The following PIK3C2B variants were observed in gnomAD, a reference collection of about 807,000 sequenced individuals.
PIK3C2B encodes the protein phosphatidylinositol-4-phosphate 3-kinase catalytic subunit type 2 beta, also known as phosphatidylinositol 4-phosphate 3-kinase C2 domain-containing subunit beta.
Under a neutral mutation model 184.3 loss-of-function variants are expected in PIK3C2B, and 83 were observed. That is an observed-to-expected ratio of 0.45 (90% CI 0.38 to 0.54). The LOEUF is 0.54. Among genes scored for constraint, PIK3C2B ranks in the 20% least tolerant of loss-of-function variants. The pLI is 0.00. For missense variants in PIK3C2B, 1,736 were observed against 2,113.5 expected, an observed-to-expected ratio of 0.82 and a Z score of 3.50; for synonymous variants, 779 against 837.6, an observed-to-expected ratio of 0.93 and a Z score of 1.21.
At chr1:204,472,876 G>C (rs1171613709) in intron 1 of PIK3C2B, among the ~76,000 whole-genome samples, 4 of 152,174 alleles carry the variant, frequency 2.6e-5, no homozygotes, top group Non-Finnish European at 5.9e-5. Context: ...CTCCCCAGGA[G>C]ATTCTAATGT....
At position 204,453,463 on chromosome 1, in the gene PIK3C2B, A is replaced by G. The variant is rs1654546510; in HGVS notation, c.2066+1206T>C. On this transcript the variant is annotated intron_variant, in intron 12 of 32. Coordinates refer to ENST00000684373, the MANE Select transcript of PIK3C2B (RefSeq NM_001377334.1). ...AACCCACCTATCTCATCTCGACGCC[A>G]TAACTGCCTCTGAGTGAAACCAATG... 2.0e-5 allele frequency among the ~76,000 whole-genome samples: 3 copies of G among 152,374 alleles called. No homozygotes were observed. In the East Asian group the frequency reaches 5.8e-4, roughly 29 times the overall value.
intron 11 of PIK3C2B, among the ~76,000 whole-genome samples, chr1:204,455,129 T>C (rs1654725638): frequency 1.3e-5 from 2 of 152,172 alleles, no homozygotes; most frequent in African/African-American, 2.4e-5. Context: ...TGCACGTGCA[T>C]GCGCAAGTGA....
In PIK3C2B at chr1:204,460,329, G is replaced by C. The variant is rs763232120; in HGVS notation, c.1497C>G (p.Ile499Met). 1.2e-5 allele frequency: 19 copies of C among 1,612,676 alleles called. No homozygotes were observed. Among genetic ancestry groups the C allele is most frequent in the African/African-American group, 2.7e-5 (2 of 74,884 alleles). Reference protein sequence around the residue: ...HLQERPVKQTISRQALSLLFD... With the variant: ...HLQERPVKQTMSRQALSLLFD... ...AAGATGGTGCCCACACTCACCTGCT[G>C]ATGGTCTGCTTGACAGGCCTCTCTT... The change falls in exon 7 of 33, where the codon ATC (isoleucine) becomes ATG (methionine). Residue 499 changes from isoleucine to methionine, a missense_variant. Physicochemically the swap from Ile to Met is conservative, Grantham distance 10. Around this residue, in one of 8 missense-constraint regions of PIK3C2B, gnomAD observed 609 missense variants for 699.2 expected, o/e 0.87. Transcript: ENST00000684373.
chr1:204,456,013 G>A lies in PIK3C2B; in HGVS notation c.1786C>T (p.Leu596=). ...AATGTGTTGCAGTACAGCTCCACCA[G>A]GTCCAAGATGGCAGCGGTCAGGGCT... ...VEALTAAILD[L]VELYCNTFNA... Residue 596 remains leucine, a synonymous_variant, in exon 11 of 33, where the codon CTG becomes TTG. Transcript: ENST00000684373. The A allele has an allele frequency of 6.2e-7, 1 of 1,614,070 alleles. No homozygotes were observed. Among genetic ancestry groups the A allele is most frequent in the African/African-American group, 1.3e-5 (1 of 75,058 alleles).
intron 12 of PIK3C2B, among the ~76,000 whole-genome samples, chr1:204,451,893 G>A (rs1052374825): frequency 6.6e-6 from 1 of 152,190 alleles, no homozygotes; most frequent in Non-Finnish European, 1.5e-5. Flanking sequence ...TGTCCTAACT[G>A]CTCCTCAAAC....
Position 204,464,534 on chromosome 1 carries a change from G to T in PIK3C2B, c.1105C>A (p.Pro369Thr), listed in dbSNP as rs1655596660. The change falls in exon 4 of 33, where the codon CCA becomes ACA. Residue 369 changes from proline (P) to threonine (T), a missense_variant. Physicochemically the swap from Pro to Thr is conservative, Grantham distance 38. Transcript: ENST00000684373. ...TTGACCTCATCCCCGAGGTGCTCTG[G>T]GCTAGGGGTGACAGCACTCCAGACA... Reference protein sequence around the residue: ...GYVWSAVTPSPEHLGDEVNLK... With the variant: ...GYVWSAVTPSTEHLGDEVNLK... The T allele has an allele frequency of 6.2e-7, 1 of 1,613,860 alleles. No homozygotes were observed. Among genetic ancestry groups the T allele is most frequent in the Non-Finnish European group, 8.5e-7 (1 of 1,179,726 alleles).
rs775762655 is a variant in PIK3C2B at position 204,432,343 on chromosome 1, G to T, written c.4012C>A (p.Leu1338Met). ...GAGCCCGTGAACTTCATCTGAGCCAGATTATGGATGAAAAAATTGAGCTTT... is the reference window on the plus strand; with the variant it reads ...GAGCCCGTGAACTTCATCTGAGCCATATTATGGATGAAAAAATTGAGCTTT... Reference protein sequence around the residue: ...ATKLNFFIHNLAQMKFTGSDD... With the variant: ...ATKLNFFIHNMAQMKFTGSDD... Residue 1338 changes from leucine (L) to methionine (M), a missense_variant, in exon 27 of 33, where the codon CTG becomes ATG. Physicochemically the swap from Leu to Met is conservative, Grantham distance 15 (BLOSUM62 2). This residue lies in a region of PIK3C2B where 119 missense variants were observed against 179.3 expected (regional missense o/e 0.66). Transcript: ENST00000684373. 2 of 1,614,138 alleles carry T rather than the reference G, an allele frequency of 1.2e-6. No homozygotes were observed. The highest frequency in any genetic ancestry group is 1.7e-6 in the Non-Finnish European group (2 of 1,180,014).
At chr1:204,454,099 T>C (rs1654607648) in intron 12 of PIK3C2B, among the ~76,000 whole-genome samples, 1 of 152,066 alleles carries the variant, frequency 6.6e-6, no homozygotes, top group African/African-American at 2.4e-5. Context: ...ATATGTTTTT[T>C]ATGGTTTACA....
rs531002849 is a variant in PIK3C2B, at chr1:204,462,663, A to G, written c.1310+1349T>C. On this transcript the variant is annotated intron_variant, in intron 5 of 32. Coordinates refer to ENST00000684373, the MANE Select transcript of PIK3C2B (RefSeq NM_001377334.1). Reference sequence around the variant, plus strand: ...GGGGCACATTTGAAGGGTACCCTGGAGTTGTACCATACAGAACCCTGCCTC... The same window carrying G: ...GGGGCACATTTGAAGGGTACCCTGGGGTTGTACCATACAGAACCCTGCCTC... Among the ~76,000 whole-genome samples, 14 of 152,314 alleles carry G rather than the reference A, an allele frequency of 9.2e-5. No homozygotes were observed. In the South Asian group the frequency reaches 2.9e-3, roughly 32 times the overall value.
chr1:204,474,731 C>T (rs16853809), intron 1 of PIK3C2B, among the ~76,000 whole-genome samples: 3,531 of 152,096 alleles, frequency 0.023, 158 homozygotes, highest in African/African-American at 0.081. Context: ...ATCCATACTA[C>T]TCACATGTTG....
At chr1:204,466,415 T>C (rs1191125928) in intron 2 of PIK3C2B, among the ~76,000 whole-genome samples, 1 of 149,560 alleles carries the variant, frequency 6.7e-6, no homozygotes, top group Non-Finnish European at 1.5e-5. Flanking sequence ...CTCATTTGAA[T>C]ATCCAGACTG....
At chr1:204,454,532 A>AT in intron 12 of PIK3C2B, 137 bp downstream of exon 12, 1 of 808,142 alleles carries the variant, frequency 1.2e-6, no homozygotes, top group Non-Finnish European at 1.9e-6. Context: ...AAGAGGTTGA[A>AT]TGACTTGTCC....
At chr1:204,477,918 T>C (rs775071388) in intron 1 of PIK3C2B, among the ~76,000 whole-genome samples, 2 of 152,184 alleles carry the variant, frequency 1.3e-5, no homozygotes, top group African/African-American at 4.8e-5. Context: ...CATAAAGAAT[T>C]CAATCCCCTC....
Position 204,447,359 on chromosome 1 carries a change from C to A in PIK3C2B, c.2489+77G>T. Reference sequence around the variant, plus strand: ...TGCCCACCCCTTCCCACCTCCACTCCCAAAGCAGGAGGACGGAGACTCAGT... The same window carrying A: ...TGCCCACCCCTTCCCACCTCCACTCACAAAGCAGGAGGACGGAGACTCAGT... On this transcript the variant is annotated intron_variant, in intron 15 of 32. Coordinates refer to ENST00000684373, the MANE Select transcript of PIK3C2B (RefSeq NM_001377334.1). The surrounding 1 kb of genome is among the most constrained non-coding windows in gnomAD (Gnocchi z 4.1). 6.9e-7 allele frequency: 1 copy of A among 1,451,208 alleles called. No homozygotes were observed. The highest frequency in any genetic ancestry group is 9.5e-7 in the Non-Finnish European group (1 of 1,051,960). 89.9% of individuals were successfully genotyped at this position (1,451,208 alleles called of 1,614,324 possible). A position where few individuals can be genotyped will look rare whatever the true frequency, so the allele number is the denominator to read the frequency against.
At chr1:204,474,151 G>T (rs557367786) in intron 1 of PIK3C2B, among the ~76,000 whole-genome samples, 1 of 152,038 alleles carries the variant, frequency 6.6e-6, no homozygotes, top group Admixed American at 6.6e-5. Flanking sequence ...GCCACCACGC[G>T]CAGCTAATTT....
At position 204,424,984 on chromosome 1, in the gene PIK3C2B, G is replaced by A. The variant is rs776239340; in HGVS notation, c.4773C>T (p.Ser1591=). Residue 1591 remains serine, a synonymous_variant, in exon 33 of 33, where the codon AGC becomes AGT. Transcript: ENST00000684373. ...CCCAGAATCCCTGCTCACTCAGCAC[G>A]CTCAGCTGGAGCTCCCGCTGCTGCA... The part of the protein sequence containing the change: ...GDLQQRELQL[S]VLSEQGFWEN... 26 of 1,613,950 alleles carry A rather than the reference G, an allele frequency of 1.6e-5. No individual in the cohort carries two copies. Among genetic ancestry groups the A allele is most frequent in the East Asian group, 2.2e-5 (1 of 44,890 alleles).
At chr1:204,485,423 AC>A in intron 1 of PIK3C2B, among the ~76,000 whole-genome samples, 1 of 149,264 alleles carries the variant, frequency 6.7e-6, no homozygotes, top group East Asian at 2.1e-4. Context: ...TTTATTAGGC[AC>A]CAAAAAAATT....
chr1:204,490,457 G>GA (rs1657931483), intron 1 of PIK3C2B: 1 of 152,312 alleles, frequency 6.6e-6, no homozygotes, highest in African/African-American at 2.4e-5. Context: ...GGGTCGGCAC[G>GA]AAACTCCAAA....
At chr1:204,457,013 G>C in intron 10 of PIK3C2B, 24 bp downstream of exon 10, 1 of 1,560,322 alleles carries the variant, frequency 6.4e-7, no homozygotes, top group South Asian at 1.2e-5. Flanking sequence ...CCGACTGGAT[G>C]AAGATGGAGA....
Sources: gnomAD v4.1 joint callset for allele counts (sites outside exome capture counted in the v4.1 genomes callset) on GRCh38, gnomAD v4.1.1 for gene constraint, gnomAD v4.1.1 regional missense constraint, Gnocchi (gnomAD v3.1) non-coding constraint, MANE v1.5 for transcripts, NCBI Gene and HGNC (gene_info 2026-07-23, HGNC 2026-07-21) for gene names.